Variants in TRERF1 observed in about 807,000 individuals in gnomAD.
TRERF1 encodes the protein transcriptional regulating factor 1.
In TRERF1, 27 loss-of-function variants were observed where a neutral mutation model predicts 122.9. The observed-to-expected ratio is 0.22, with a 90% CI of 0.16 to 0.30. The LOEUF (loss-of-function observed/expected upper bound fraction) is 0.30. Ranked by LOEUF, TRERF1 falls within the 10% of genes least tolerant of loss-of-function variation. The probability of loss-of-function intolerance (pLI) is 1.00; values close to 1 mark genes in which losing one functional copy is unlikely to be tolerated. For synonymous variants in TRERF1, 636 were observed against 641.7 expected (o/e 0.99, Z 0.13); for missense variants, 1,248 against 1,560.3 (o/e 0.80, Z 3.37).
chr6:42,418,346 T>C (rs1390333308), intron 2 of TRERF1, among the ~76,000 whole-genome samples: 2 of 146,138 alleles, frequency 1.4e-5, no homozygotes, highest in African/African-American at 5.0e-5. Context: ...CTTGGCTCAC[T>C]GCAACCTCTG....
intron 3 of TRERF1, among the ~76,000 whole-genome samples, chr6:42,350,622 A>G (rs1769243842): frequency 6.6e-6 from 1 of 151,814 alleles, no homozygotes; most frequent in Admixed American, 6.6e-5. Flanking sequence ...ACGAGTTTAA[A>G]CCCCCTCACT....
At chr6:42,315,673 G>C (rs1453476155) in intron 3 of TRERF1, among the ~76,000 whole-genome samples, 3 of 151,542 alleles carry the variant, frequency 2.0e-5, no homozygotes, top group Non-Finnish European at 4.4e-5. Context: ...GACCAGGTGG[G>C]GCCCCTGGGT....
chr6:42,316,145 G>C (rs1333844628), intron 3 of TRERF1, among the ~76,000 whole-genome samples: 1 of 152,146 alleles, frequency 6.6e-6, no homozygotes, highest in East Asian at 1.9e-4. Context: ...CCAAAGTCAA[G>C]AAAGTCCATG....
intron 4 of TRERF1, among the ~76,000 whole-genome samples, chr6:42,273,208 T>C (rs779253207): frequency 6.6e-6 from 1 of 152,110 alleles, no homozygotes; most frequent in Non-Finnish European, 1.5e-5. Context: ...TCTCTTCCGC[T>C]TGTAATTGCA....
At chr6:42,445,275 A>C (rs995882287) in intron 2 of TRERF1, among the ~76,000 whole-genome samples, 8 of 151,532 alleles carry the variant, frequency 5.3e-5, no homozygotes, top group Non-Finnish European at 1.2e-4. Context: ...CTCAAAAAAA[A>C]AAAAAACAAA....
intron 3 of TRERF1, among the ~76,000 whole-genome samples, chr6:42,331,534 C>A (rs1765237095): frequency 6.6e-6 from 1 of 152,148 alleles, no homozygotes; most frequent in South Asian, 2.1e-4. Flanking sequence ...CAGCCCGTTC[C>A]CTGGGGATCG....
chr6:42,427,403 G>A (rs1389403115), intron 2 of TRERF1, among the ~76,000 whole-genome samples: 3 of 151,936 alleles, frequency 2.0e-5, no homozygotes, highest in Non-Finnish European at 2.9e-5. Flanking sequence ...GACTATAGGC[G>A]TGCACCACTA....
intron 16 of TRERF1, among the ~76,000 whole-genome samples, chr6:42,234,885 T>C (rs1315006858): frequency 6.6e-6 from 1 of 152,186 alleles, no homozygotes; most frequent in Non-Finnish European, 1.5e-5. Context: ...TTATTGTACA[T>C]AGAGCTATGA....
chr6:42,400,867 T>C (rs1342860137), intron 2 of TRERF1, among the ~76,000 whole-genome samples: 1 of 152,128 alleles, frequency 6.6e-6, no homozygotes, highest in Non-Finnish European at 1.5e-5. Flanking sequence ...TTTCAGAATC[T>C]CAAATAGATG....
At chr6:42,314,565 T>A (rs1296304244) in intron 3 of TRERF1, among the ~76,000 whole-genome samples, 10 of 152,240 alleles carry the variant, frequency 6.6e-5, no homozygotes, top group African/African-American at 2.4e-4. Flanking sequence ...TCATGGAGAT[T>A]TCATTTTAAT....
chr6:42,299,877 TGAAGA>T (rs1785845855), intron 4 of TRERF1, among the ~76,000 whole-genome samples: 1 of 152,202 alleles, frequency 6.6e-6, no homozygotes, highest in Non-Finnish European at 1.5e-5. Flanking sequence ...AAATAGCCAC[TGAAGA>T]ACGAATGGTG....
intron 4 of TRERF1, among the ~76,000 whole-genome samples, chr6:42,277,369 C>G (rs998857181): frequency 1.3e-5 from 2 of 151,702 alleles, no homozygotes; most frequent in Non-Finnish European, 2.9e-5. Context: ...CCTGTGAGGC[C>G]TGGGGTTGCC....
intron 16 of TRERF1, 77 bp from the exon 17 acceptor site, chr6:42,233,005 AG>A: frequency 2.1e-6 from 3 of 1,423,908 alleles, no homozygotes; most frequent in Non-Finnish European, 2.8e-6. Flanking sequence ...ACAGGGCACA[AG>A]GGTTTTATAT....
chr6:42,316,167 G>C (rs576962389), intron 3 of TRERF1, among the ~76,000 whole-genome samples: 1 of 152,196 alleles, frequency 6.6e-6, no homozygotes, highest in Non-Finnish European at 1.5e-5. Context: ...GTCTGGGGAA[G>C]TGGCTGTGAT....
Position 42,232,705 on chromosome 6 carries a change from ATGG to A in TRERF1, c.3251_3253del (p.Thr1084del). 1.9e-6 allele frequency: 3 copies of A among 1,602,692 alleles called. No individual in the cohort carries two copies. In the East Asian group the frequency reaches 6.7e-5, roughly 36 times the overall value. On this transcript the variant is annotated inframe_deletion, in exon 17 of 18. Coordinates refer to ENST00000372922, the Ensembl canonical transcript of TRERF1. This position sits in a 1 kb window ranked among gnomAD's most constrained non-coding sequence, Gnocchi z 4.5. ...CTTGCCACACTCCTTGCAGGGGAAG[ATGG>A]TGGTGGGGTCTGTCTCGCCGCTGGT...
At chr6:42,237,264 G>A (rs1759738419) in intron 15 of TRERF1, among the ~76,000 whole-genome samples, 1 of 152,156 alleles carries the variant, frequency 6.6e-6, no homozygotes, top group African/African-American at 2.4e-5. Flanking sequence ...GTAAGTTACT[G>A]GAATAGCTTG....
intron 2 of TRERF1, among the ~76,000 whole-genome samples, chr6:42,431,071 A>G (rs934548401): frequency 2.6e-5 from 4 of 151,776 alleles, no homozygotes; most frequent in African/African-American, 4.8e-5. Flanking sequence ...AAAAAAAAAA[A>G]AAAGAAAAGA....
At chr6:42,407,517 A>G (rs141418447) in intron 2 of TRERF1, among the ~76,000 whole-genome samples, 3 of 152,040 alleles carry the variant, frequency 2.0e-5, no homozygotes, top group African/African-American at 7.2e-5. Flanking sequence ...GAAGTCAAGA[A>G]CTCCTGTGAT....
intron 8 of TRERF1, among the ~76,000 whole-genome samples, chr6:42,262,434 CAGAGAGAGAG>C (rs71778190): frequency 2.2e-4 from 5 of 22,522 alleles, no homozygotes; most frequent in Admixed American, 4.9e-4. Flanking sequence ...TCCCTAGGGG[CAGAGAGAGAG>C]AGAGAGAGAG....
Sources: gnomAD v4.1 joint callset for allele counts (sites outside exome capture counted in the v4.1 genomes callset) on GRCh38, gnomAD v4.1.1 for gene constraint, Gnocchi (gnomAD v3.1) non-coding constraint, MANE v1.5 for transcripts, NCBI Gene and HGNC (gene_info 2026-07-23, HGNC 2026-07-21) for gene names.